Variants in GPR39 observed in about 807,000 individuals in gnomAD.
GPR39 encodes the protein zinc sensing receptor.
In GPR39, 23 loss-of-function variants were observed where a neutral mutation model predicts 18.4. The observed-to-expected ratio is 1.25, with a 90% CI of 0.90 to 1.77. The LOEUF (loss-of-function observed/expected upper bound fraction) is 1.77, where lower values mean the gene tolerates loss of function less well. Ranked by LOEUF, GPR39 falls within the 40% of genes most tolerant of loss-of-function variation. The pLI, the probability that GPR39 is intolerant of heterozygous loss-of-function variation, is 0.00. For missense variants in GPR39, 647 were observed against 602.4 expected, an observed-to-expected ratio of 1.07 and a Z score of -0.78; for synonymous variants, 280 against 257.9, an observed-to-expected ratio of 1.09 and a Z score of -0.82.
At chr2:132,632,777 C>A (rs1681673564) in intron 1 of GPR39, among the ~76,000 whole-genome samples, 1 of 152,102 alleles carries the variant, frequency 6.6e-6, no homozygotes, top group Non-Finnish European at 1.5e-5. Flanking sequence ...CATACATGTA[C>A]TATATTAATT....
chr2:132,608,862 G>A (rs944531347), intron 1 of GPR39, among the ~76,000 whole-genome samples: 3 of 152,210 alleles, frequency 2.0e-5, no homozygotes, highest in African/African-American at 4.8e-5. Context: ...TTCCTGGCAT[G>A]TGGTCGCTCA....
chr2:132,498,666 G>A (rs368390687), intron 1 of GPR39, among the ~76,000 whole-genome samples: 1 of 152,112 alleles, frequency 6.6e-6, no homozygotes, highest in East Asian at 1.9e-4. Flanking sequence ...TTCCATAGTG[G>A]TTGTGCTAGT....
At chr2:132,558,880 C>T (rs1390069924) in intron 1 of GPR39, among the ~76,000 whole-genome samples, 1 of 152,134 alleles carries the variant, frequency 6.6e-6, no homozygotes, top group East Asian at 1.9e-4. Flanking sequence ...AGCTTCTTGG[C>T]TCAATGTATC....
intron 1 of GPR39, among the ~76,000 whole-genome samples, chr2:132,575,024 A>G (rs1221129532): frequency 2.0e-5 from 3 of 152,142 alleles, no homozygotes; most frequent in Admixed American, 6.5e-5. Flanking sequence ...CTGTATCTAC[A>G]AATTTCTACA....
At chr2:132,496,325 A>T (rs991056436) in intron 1 of GPR39, among the ~76,000 whole-genome samples, 2 of 152,118 alleles carry the variant, frequency 1.3e-5, no homozygotes. Flanking sequence ...AATTTCCTAT[A>T]TGGAACCTAT....
chr2:132,471,638 C>A (rs1012480522), intron 1 of GPR39, among the ~76,000 whole-genome samples: 6 of 151,524 alleles, frequency 4.0e-5, no homozygotes, highest in African/African-American at 1.5e-4. Flanking sequence ...AGGTAGGGCC[C>A]AGCCCAGCAA....
intron 1 of GPR39, among the ~76,000 whole-genome samples, chr2:132,457,313 A>G (rs770344751): frequency 6.6e-5 from 10 of 152,196 alleles, no homozygotes; most frequent in Admixed American, 2.6e-4. Context: ...TTCTCGTGCT[A>G]TGATTTTCAG....
At chr2:132,541,319 G>A (rs887634132) in intron 1 of GPR39, among the ~76,000 whole-genome samples, 1 of 152,184 alleles carries the variant, frequency 6.6e-6, no homozygotes, top group African/African-American at 2.4e-5. Context: ...CCTGACCTCA[G>A]ATGATCCACC....
At chr2:132,536,114 C>T (rs1558830936) in intron 1 of GPR39, among the ~76,000 whole-genome samples, 1 of 151,262 alleles carries the variant, frequency 6.6e-6, no homozygotes, top group Non-Finnish European at 1.5e-5. Context: ...CTTCTGCTAG[C>T]TTTTGGATTA....
At chr2:132,492,869 T>C (rs1284933929) in intron 1 of GPR39, among the ~76,000 whole-genome samples, 748 of 141,474 alleles carry the variant, frequency 5.3e-3, no homozygotes, top group African/African-American at 0.012. Context: ...ACCATATATG[T>C]ACACCATATA....
At chr2:132,596,265 C>T (rs1680945353) in intron 1 of GPR39, among the ~76,000 whole-genome samples, 1 of 151,984 alleles carries the variant, frequency 6.6e-6, no homozygotes, top group Non-Finnish European at 1.5e-5. Context: ...TTAGTTTTTG[C>T]TCTGAAAATT....
chr2:132,543,164 G>T (rs960035818), intron 1 of GPR39, among the ~76,000 whole-genome samples: 2 of 152,200 alleles, frequency 1.3e-5, no homozygotes, highest in Admixed American at 6.5e-5. Flanking sequence ...TTAAGCAAAA[G>T]GAGAGCTCTC....
chr2:132,456,071 C>T (rs1378585826), intron 1 of GPR39, among the ~76,000 whole-genome samples: 1 of 152,110 alleles, frequency 6.6e-6, no homozygotes, highest in East Asian at 1.9e-4. Context: ...CTAATATTGA[C>T]AGTGGGGTGT....
intron 1 of GPR39, among the ~76,000 whole-genome samples, chr2:132,520,131 T>A (rs2315597): frequency 0.71 from 107,537 of 151,936 alleles, 38,268 homozygotes; most frequent in East Asian, 0.8. Flanking sequence ...CCTGTAATCA[T>A]TCCTTTCCTC....
chr2:132,532,386 A>G, intron 1 of GPR39, among the ~76,000 whole-genome samples: 1 of 152,208 alleles, frequency 6.6e-6, no homozygotes, highest in Non-Finnish European at 1.5e-5. Context: ...CCAGGACCAG[A>G]TGGATTCACA....
At chr2:132,622,749 G>T (rs766200905) in intron 1 of GPR39, among the ~76,000 whole-genome samples, 1 of 152,188 alleles carries the variant, frequency 6.6e-6, no homozygotes, top group African/African-American at 2.4e-5. Flanking sequence ...AAATAAGGGG[G>T]TCTGCCACCC....
intron 1 of GPR39, among the ~76,000 whole-genome samples, chr2:132,573,145 G>A (rs1680469775): frequency 6.6e-6 from 1 of 152,158 alleles, no homozygotes; most frequent in African/African-American, 2.4e-5. Context: ...CTTCAGAGAT[G>A]CTCAGAGGCA....
At chr2:132,568,312 G>T (rs1356517081) in intron 1 of GPR39, among the ~76,000 whole-genome samples, 1 of 152,040 alleles carries the variant, frequency 6.6e-6, no homozygotes, top group East Asian at 1.9e-4. Context: ...TTGGGCGGGG[G>T]TGTGATGCTT....
intron 1 of GPR39, among the ~76,000 whole-genome samples, chr2:132,430,519 T>A (rs1680207082): frequency 6.6e-6 from 1 of 152,122 alleles, no homozygotes. Flanking sequence ...GAAGGCTAAA[T>A]AAAGAACCAG....
Sources: allele counts gnomAD v4.1 joint callset (sites outside exome capture counted in the v4.1 genomes callset), GRCh38; gene constraint gnomAD v4.1.1; transcripts MANE v1.5; gene names NCBI Gene and HGNC (gene_info 2026-07-23, HGNC 2026-07-21).